Variants in ZBTB44 observed in about 807,000 individuals in gnomAD.
The protein encoded by ZBTB44 is zinc finger and BTB domain containing 44, also known as zinc finger and BTB domain-containing protein 44.
ZBTB44 carries 15 observed loss-of-function variants against 54.0 expected under a neutral mutation model. That is an observed-to-expected ratio of 0.28 (90% CI 0.19 to 0.43). ZBTB44 has a LOEUF of 0.43. ZBTB44 is among the 20% of genes least tolerant of loss of function. The pLI is 1.00. For missense variants in ZBTB44, 487 were observed against 707.1 expected (o/e 0.69, Z 3.53); for synonymous variants, 230 against 250.1 (o/e 0.92, Z 0.76).
At chr11:130,249,412 ACAACTATTT>A (rs1160639226) in intron 2 of ZBTB44, among the ~76,000 whole-genome samples, 1 of 152,220 alleles carries the variant, frequency 6.6e-6, no homozygotes, top group Non-Finnish European at 1.5e-5. Context: ...TAAATTCTTC[ACAACTATTT>A]TGACCCCAAT....
chr11:130,238,418 C>T (rs370109262), intron 4 of ZBTB44, 26 bp downstream of exon 4: 67 of 1,589,042 alleles, frequency 4.2e-5, no homozygotes, highest in Middle Eastern at 3.3e-4. Flanking sequence ...CGTTCACTTA[C>T]GCACCAACAG....
At chr11:130,259,910 A>G (rs1337552607) in intron 2 of ZBTB44, among the ~76,000 whole-genome samples, 2 of 152,088 alleles carry the variant, frequency 1.3e-5, no homozygotes, top group African/African-American at 4.8e-5. Flanking sequence ...TATGTAACAA[A>G]ACTGAACGTT....
chr11:130,282,957 T>C (rs1443051135), intron 1 of ZBTB44, among the ~76,000 whole-genome samples: 1 of 149,952 alleles, frequency 6.7e-6, no homozygotes, highest in Non-Finnish European at 1.5e-5. Flanking sequence ...GGACTACAGG[T>C]CCCCACCACT....
chr11:130,252,214 A>T (rs7103848), intron 2 of ZBTB44, among the ~76,000 whole-genome samples: 18,517 of 152,108 alleles, frequency 0.12, 1,298 homozygotes, highest in African/African-American at 0.2. Flanking sequence ...TCAATGCAAC[A>T]AGAAGAGCTA....
intron 1 of ZBTB44, among the ~76,000 whole-genome samples, chr11:130,294,567 A>T (rs1243845855): frequency 6.8e-6 from 1 of 147,680 alleles, no homozygotes; most frequent in East Asian, 1.9e-4. Context: ...AAAAAAAAAA[A>T]AATCTTCAAT....
chr11:130,267,604 T>C (rs890259553), intron 1 of ZBTB44, among the ~76,000 whole-genome samples: 2 of 152,040 alleles, frequency 1.3e-5, no homozygotes, highest in Non-Finnish European at 2.9e-5. Context: ...TAGGTAGAGA[T>C]AGGGGTATCC....
intron 1 of ZBTB44, among the ~76,000 whole-genome samples, chr11:130,265,306 A>C (rs1156245234): frequency 6.6e-6 from 1 of 152,178 alleles, no homozygotes; most frequent in East Asian, 1.9e-4. Context: ...GGCTCACTGC[A>C]ACCTCCACCT....
chr11:130,305,408 C>T (rs182888408), intron 1 of ZBTB44, among the ~76,000 whole-genome samples: 1 of 152,158 alleles, frequency 6.6e-6, no homozygotes, highest in African/African-American at 2.4e-5. Flanking sequence ...TAAAAACAGG[C>T]ATGTAGACCG....
chr11:130,303,260 G>A (rs1942080717), intron 1 of ZBTB44, among the ~76,000 whole-genome samples: 1 of 152,140 alleles, frequency 6.6e-6, no homozygotes. Context: ...TTAGTTACAC[G>A]TTGCCAAGAT....
chr11:130,281,855 T>C (rs1940549675), intron 1 of ZBTB44, among the ~76,000 whole-genome samples: 1 of 152,220 alleles, frequency 6.6e-6, no homozygotes, highest in African/African-American at 2.4e-5. Flanking sequence ...TCCGCCCGCC[T>C]TGGCCTCCCA....
intron 4 of ZBTB44, among the ~76,000 whole-genome samples, chr11:130,238,070 C>T (rs1026661333): frequency 5.3e-5 from 8 of 152,170 alleles, no homozygotes; most frequent in Non-Finnish European, 1.2e-4. Context: ...GGAAAAATTT[C>T]AAACTTAAAG....
At chr11:130,260,809 TTTGAA>T in intron 2 of ZBTB44, 42 bp downstream of exon 2, 4 of 1,523,700 alleles carry the variant, frequency 2.6e-6, no homozygotes, top group Non-Finnish European at 3.5e-6. Context: ...CTTAAAAATG[TTTGAA>T]TTGACTTTAT....
chr11:130,298,609 C>T (rs1299787357), intron 1 of ZBTB44, among the ~76,000 whole-genome samples: 4 of 151,688 alleles, frequency 2.6e-5, no homozygotes, highest in African/African-American at 4.8e-5. Flanking sequence ...ACTACAGGTA[C>T]GTGCCACCAC....
intron 1 of ZBTB44, among the ~76,000 whole-genome samples, chr11:130,293,279 CAGAG>C (rs1371265385): frequency 1.5e-5 from 2 of 133,038 alleles, no homozygotes; most frequent in African/African-American, 2.8e-5. Flanking sequence ...CTGGGCAACA[CAGAG>C]AGAACTTGTC....
chr11:130,276,702 T>G (rs1940130369), intron 1 of ZBTB44, among the ~76,000 whole-genome samples: 1 of 152,210 alleles, frequency 6.6e-6, no homozygotes, highest in Non-Finnish European at 1.5e-5. Flanking sequence ...GTGCTGGGAT[T>G]ACAGGTGTTA....
At chr11:130,313,756 T>C (rs1458582051) in intron 1 of ZBTB44, among the ~76,000 whole-genome samples, 1 of 152,168 alleles carries the variant, frequency 6.6e-6, no homozygotes, top group East Asian at 1.9e-4. Flanking sequence ...TTATTGTAAA[T>C]TCTGCTTGGA....
intron 1 of ZBTB44, among the ~76,000 whole-genome samples, chr11:130,309,735 T>C (rs777236994): frequency 6.6e-6 from 1 of 151,424 alleles, no homozygotes; most frequent in Non-Finnish European, 1.5e-5. Context: ...TCTCTACTAA[T>C]ACAAAAATTA....
At chr11:130,267,801 T>C (rs1007420035) in intron 1 of ZBTB44, among the ~76,000 whole-genome samples, 9 of 152,104 alleles carry the variant, frequency 5.9e-5, no homozygotes, top group Non-Finnish European at 1.3e-4. Context: ...CAGTGGCTCA[T>C]GCCTGTAATC....
At chr11:130,243,417 TATA>T (rs1954475445) in intron 2 of ZBTB44, among the ~76,000 whole-genome samples, 2 of 152,254 alleles carry the variant, frequency 1.3e-5, no homozygotes, top group South Asian at 4.1e-4. Flanking sequence ...CAGCATTAGC[TATA>T]TGAGATTCAC....
Sources: allele counts gnomAD v4.1 joint callset (sites outside exome capture counted in the v4.1 genomes callset), GRCh38; gene constraint gnomAD v4.1.1; transcripts MANE v1.5; gene names NCBI Gene and HGNC (gene_info 2026-07-23, HGNC 2026-07-21).